Variants in NBEA observed in about 807,000 individuals in gnomAD.
NBEA encodes neurobeachin, also known as lysosomal-trafficking regulator 2.
Under a neutral mutation model 343.4 loss-of-function variants are expected in NBEA, and 44 were observed. The observed-to-expected ratio is 0.13, with a 90% CI of 0.10 to 0.16. The LOEUF (loss-of-function observed/expected upper bound fraction) is 0.16. NBEA is among the 10% of genes least tolerant of loss of function. The pLI, the probability that NBEA is intolerant of heterozygous loss-of-function variation, is 1.00. For missense variants in NBEA, 2,555 were observed against 3,631.3 expected, an observed-to-expected ratio of 0.70 and a Z score of 7.62; for synonymous variants, 1,175 against 1,238.7, an observed-to-expected ratio of 0.95 and a Z score of 1.08.
intron 6 of NBEA, among the ~76,000 whole-genome samples, chr13:35,055,070 G>C (rs992950066): frequency 2.0e-5 from 3 of 152,086 alleles, no homozygotes; most frequent in Admixed American, 2.0e-4. Context: ...AAATATATAT[G>C]AAATAATTGA....
chr13:35,349,888 C>T lies in NBEA; in HGVS notation c.6012+672C>T, dbSNP rs377320829. Among the ~76,000 whole-genome samples the T allele has an allele frequency of 2.0e-5, 3 of 152,010 alleles. No homozygotes were observed. The East Asian group carries it at 5.8e-4, about 29-fold the overall frequency. ...TAGACTAGGTCTAGTGATCTCTGACCTAGCTGGCTGAAAAGCATGAGACAG... is the reference window on the plus strand; with the variant it reads ...TAGACTAGGTCTAGTGATCTCTGACTTAGCTGGCTGAAAAGCATGAGACAG... On this transcript the variant is annotated intron_variant, in intron 37 of 58. Transcript: ENST00000379939.
rs570622802 is a variant in NBEA, at chr13:35,367,224, C to T, written c.6179+14901C>T. ...TTTTTAGTAGCTACTTAGGTAGAAACCTAACAAAATGAGGGTTTTGAAGCC... is the reference window on the plus strand; with the variant it reads ...TTTTTAGTAGCTACTTAGGTAGAAATCTAACAAAATGAGGGTTTTGAAGCC... On this transcript the variant is annotated intron_variant, in intron 38 of 58. Coordinates refer to ENST00000379939, the MANE Select transcript of NBEA (RefSeq NM_001385012.1). Among the ~76,000 whole-genome samples the T allele has an allele frequency of 1.4e-3, 209 of 150,920 alleles. 3 individuals carry two copies. The highest frequency in any genetic ancestry group is 6.8e-3 in the Middle Eastern group (2 of 294).
chr13:35,494,116 C>G lies in NBEA; in HGVS notation c.6585+21580C>G, dbSNP rs2076591857. 2.0e-5 allele frequency among the ~76,000 whole-genome samples: 3 copies of G among 151,390 alleles called. No individual in the cohort carries two copies. The South Asian group carries it at 6.3e-4, about 32-fold the overall frequency. On this transcript the variant is annotated intron_variant, in intron 41 of 58. Transcript: ENST00000379939. ...AATATGAATATAAGGAATACAAAAC[C>G]AATGATAAGTAAGAAAATAGTAAGA... is the stretch of plus-strand genomic sequence containing the variant.
intron 41 of NBEA, among the ~76,000 whole-genome samples, chr13:35,491,449 T>C: frequency 6.6e-6 from 1 of 152,078 alleles, no homozygotes. Flanking sequence ...AGATTCCCAA[T>C]TGAGCACCTG....
intron 1 of NBEA, among the ~76,000 whole-genome samples, chr13:34,990,927 C>T (rs1295969253): frequency 2.0e-5 from 3 of 152,218 alleles, no homozygotes; most frequent in African/African-American, 7.2e-5. Context: ...CTTAAATCAT[C>T]TCTCAAGTTC....
At chr13:35,296,415 C>CT (rs1275376367) in intron 35 of NBEA, among the ~76,000 whole-genome samples, 6 of 150,924 alleles carry the variant, frequency 4.0e-5, no homozygotes, top group Admixed American at 1.3e-4. Context: ...GAACAACAGT[C>CT]TTTTTTTTCT....
chr13:35,276,560 A>G (rs1041557006), intron 34 of NBEA, among the ~76,000 whole-genome samples: 13 of 152,204 alleles, frequency 8.5e-5, no homozygotes, highest in Non-Finnish European at 1.5e-4. Context: ...ACTACATGGA[A>G]TCTTCAAGAA....
intron 36 of NBEA, among the ~76,000 whole-genome samples, chr13:35,345,946 T>TAATG (rs1168780889): frequency 1.3e-5 from 2 of 152,100 alleles, no homozygotes; most frequent in African/African-American, 4.8e-5. Flanking sequence ...TCCATGTGGA[T>TAATG]AATGGTGTCA....
intron 1 of NBEA, among the ~76,000 whole-genome samples, chr13:34,977,703 C>T (rs750557965): frequency 6.6e-6 from 1 of 152,136 alleles, no homozygotes; most frequent in East Asian, 1.9e-4. Flanking sequence ...GTCATTTTCC[C>T]CTCCAGATGA....
chr13:35,032,834 T>G (rs1331023929), intron 1 of NBEA, among the ~76,000 whole-genome samples: 1 of 151,628 alleles, frequency 6.6e-6, no homozygotes, highest in Non-Finnish European at 1.5e-5. Context: ...AATCTTTTGC[T>G]CATCTTGGTT....
intron 38 of NBEA, among the ~76,000 whole-genome samples, chr13:35,423,667 T>C (rs1479817056): frequency 6.6e-6 from 1 of 152,140 alleles, no homozygotes; most frequent in Non-Finnish European, 1.5e-5. Flanking sequence ...TTTAAAGTAG[T>C]TTTTTCCAAT....
At chr13:35,476,936 C>T (rs2075899610) in intron 41 of NBEA, 4 of 526,420 alleles carry the variant, frequency 7.6e-6, no homozygotes, top group Non-Finnish European at 7.6e-6. Context: ...AGCATATTGA[C>T]GTTTTGAAAA....
At chr13:35,223,378 T>C (rs1212355655) in intron 33 of NBEA, among the ~76,000 whole-genome samples, 1 of 152,140 alleles carries the variant, frequency 6.6e-6, no homozygotes. Flanking sequence ...TATTTTACCA[T>C]CTTTTTCTAA....
rs146864623 is a variant in NBEA, at chr13:35,521,622, C to G, written c.6586-28855C>G. Among the ~76,000 whole-genome samples, 269 of 152,286 alleles carry G rather than the reference C, an allele frequency of 1.8e-3. 3 individuals are homozygous for G. In the South Asian group the frequency reaches 0.026, roughly 15 times the overall value. Reference sequence around the variant, plus strand: ...TCACAGATAAGATGTCCCTGGATCTCCCCGCTAGAAACCCAAAAGTCACTG... The same window carrying G: ...TCACAGATAAGATGTCCCTGGATCTGCCCGCTAGAAACCCAAAAGTCACTG... On this transcript the variant is annotated intron_variant, in intron 41 of 58. Coordinates refer to ENST00000379939, the MANE Select transcript of NBEA (RefSeq NM_001385012.1).
At chr13:35,442,430 A>C (rs1306877161) in intron 39 of NBEA, among the ~76,000 whole-genome samples, 4 of 152,134 alleles carry the variant, frequency 2.6e-5, no homozygotes, top group African/African-American at 9.7e-5. Flanking sequence ...AATCCTGTCG[A>C]GTAATATCCC....
chr13:34,981,772 ATTGT>A (rs2060362974), intron 1 of NBEA, among the ~76,000 whole-genome samples: 1 of 150,324 alleles, frequency 6.7e-6, no homozygotes, highest in Non-Finnish European at 1.5e-5. Context: ...TTTAATCTAG[ATTGT>A]TTGCATTTTC....
rs112109502 is a variant in NBEA at position 35,005,442 on chromosome 13, T to A, written c.295-35491T>A. The stretch of plus-strand genomic sequence containing the variant: ...GGGACCAATACAAACATGAAGGTCA[T>A]GATGTCTGTTGTGCAATGAATAATG... On this transcript the variant is annotated intron_variant, in intron 1 of 58. Transcript: ENST00000379939. 1.3e-3 allele frequency among the ~76,000 whole-genome samples: 195 copies of A among 152,272 alleles called. 1 individual carries two copies. The highest frequency in any genetic ancestry group is 4.4e-3 in the African/African-American group (181 of 41,566).
At chr13:35,278,826 A>T (rs1399141124) in intron 34 of NBEA, among the ~76,000 whole-genome samples, 1 of 152,174 alleles carries the variant, frequency 6.6e-6, no homozygotes, top group East Asian at 1.9e-4. Context: ...CTTTGCAACC[A>T]TGTAGTCTCT....
intron 38 of NBEA, among the ~76,000 whole-genome samples, chr13:35,403,282 C>A (rs2043083468): frequency 6.6e-6 from 1 of 151,560 alleles, no homozygotes; most frequent in Admixed American, 6.6e-5. Context: ...TAATAGCTGC[C>A]TATTATTTGC....
Sources: gnomAD v4.1 joint callset for allele counts (sites outside exome capture counted in the v4.1 genomes callset) on GRCh38, gnomAD v4.1.1 for gene constraint, MANE v1.5 for transcripts, NCBI Gene and HGNC (gene_info 2026-07-23, HGNC 2026-07-21) for gene names.